NAA35: variants seen among roughly 807,000 people sequenced by gnomAD.
NAA35 encodes the protein MAK10 homolog, amino-acid N-acetyltransferase subunit.
A neutral mutation model predicts 101.7 loss-of-function variants in NAA35; 18 were observed. The observed-to-expected ratio is 0.18, with a 90% CI of 0.12 to 0.26. NAA35 has a LOEUF of 0.26. NAA35 is among the 10% of genes least tolerant of loss of function. The pLI is 1.00. For synonymous variants in NAA35, 267 were observed against 273.1 expected, an observed-to-expected ratio of 0.98 and a Z score of 0.22; for missense variants, 601 against 886.8, an observed-to-expected ratio of 0.68 and a Z score of 4.09.
intron 13 of NAA35, among the ~76,000 whole-genome samples, chr9:86,006,724 A>G (rs1184595818): frequency 6.6e-6 from 1 of 152,120 alleles, no homozygotes; most frequent in Non-Finnish European, 1.5e-5. Flanking sequence ...CTGTATCTTG[A>G]TTGTGAGACT....
intron 1 of NAA35, chr9:85,941,856 T>G (rs550136097): frequency 9.2e-7 from 1 of 1,086,926 alleles, no homozygotes; most frequent in South Asian, 3.7e-5. Context: ...GCTCTGGAGT[T>G]GTTCTTTTCG....
At position 85,965,306 on chromosome 9, in the gene NAA35, A is replaced by G. The variant is rs1009595003; in HGVS notation, c.516+3126A>G. 4.6e-5 allele frequency among the ~76,000 whole-genome samples: 7 copies of G among 152,214 alleles called. No homozygotes were observed. The East Asian group carries it at 1.3e-3, about 29-fold the overall frequency. On this transcript the variant is annotated intron_variant, in intron 6 of 22. Transcript: ENST00000361671. ...AGTATCCATCAGTAGGAGACTAATT[A>G]AAAGATGTTACATTCATACAATCAA...
intron 11 of NAA35, among the ~76,000 whole-genome samples, chr9:85,982,599 A>G (rs1830479655): frequency 1.3e-5 from 2 of 152,188 alleles, no homozygotes; most frequent in Admixed American, 1.3e-4. Flanking sequence ...TGGAAATAAT[A>G]TATTTAAATT....
At chr9:86,020,040 A>G (rs1832446009) in intron 21 of NAA35, among the ~76,000 whole-genome samples, 1 of 152,210 alleles carries the variant, frequency 6.6e-6, no homozygotes, top group Admixed American at 6.5e-5. Context: ...AGAAATCTAA[A>G]AAGAAAGGTG....
chr9:85,974,915 C>T, intron 6 of NAA35, 52 bp from the exon 7 acceptor site: 1 of 1,294,464 alleles, frequency 7.7e-7, no homozygotes, highest in Non-Finnish European at 1.1e-6. Context: ...TATTTTGCCG[C>T]TATTTAAGGT....
chr9:85,959,097 C>T (rs568725723), intron 4 of NAA35, among the ~76,000 whole-genome samples: 1 of 152,028 alleles, frequency 6.6e-6, no homozygotes, highest in Non-Finnish European at 1.5e-5. Context: ...TAGTTTTCGG[C>T]TGGGTGCGGT....
intron 7 of NAA35, 30 bp from the exon 8 acceptor site, chr9:85,975,084 C>G: frequency 5.0e-6 from 8 of 1,611,702 alleles, no homozygotes; most frequent in Non-Finnish European, 6.8e-6. Context: ...TCATATGTTT[C>G]CTTTTAAAAC....
intron 11 of NAA35, 143 bp from the exon 12 acceptor site, chr9:85,996,256 A>G (rs1831151992): frequency 5.4e-6 from 3 of 551,902 alleles, no homozygotes; most frequent in Non-Finnish European, 9.5e-6. Flanking sequence ...TATATTCTAA[A>G]TTATAAAATC....
intron 2 of NAA35, among the ~76,000 whole-genome samples, chr9:85,956,067 A>G (rs1829261137): frequency 6.6e-6 from 1 of 152,220 alleles, no homozygotes; most frequent in African/African-American, 2.4e-5. Flanking sequence ...AGTGATTTTT[A>G]AAAATGGGGT....
chr9:86,004,467 G>C (rs1203879643), intron 13 of NAA35, among the ~76,000 whole-genome samples: 1 of 150,850 alleles, frequency 6.6e-6, no homozygotes, highest in Non-Finnish European at 1.5e-5. Context: ...GCAACAGAGT[G>C]AGACCCTGTC....
chr9:86,015,417 C>A (rs979397191), intron 17 of NAA35, among the ~76,000 whole-genome samples: 2 of 152,020 alleles, frequency 1.3e-5, no homozygotes, highest in Non-Finnish European at 2.9e-5. Context: ...TTCATGCATA[C>A]GGTCCCTGAA....
At chr9:85,958,994 A>T (rs1329565090) in intron 4 of NAA35, among the ~76,000 whole-genome samples, 2 of 152,226 alleles carry the variant, frequency 1.3e-5, no homozygotes, top group Non-Finnish European at 2.9e-5. Flanking sequence ...TACATATTTT[A>T]TAAAGAAAGA....
At chr9:85,984,025 A>C (rs1446978009) in intron 11 of NAA35, among the ~76,000 whole-genome samples, 1 of 95,282 alleles carries the variant, frequency 1.0e-5, no homozygotes, top group African/African-American at 6.4e-5. Flanking sequence ...AAATAGAAGC[A>C]AAAAAAAAAA....
In NAA35 at chr9:86,009,964, T is replaced by C. The variant is rs202081934; in HGVS notation, c.1290+33T>C. The stretch of plus-strand genomic sequence containing the variant: ...CTACAATTTGGATTGTCATAATGGG[T>C]ACTTTAAAAATCATGGGCTGTGGCC... On this transcript the variant is annotated intron_variant, in intron 15 of 22. Coordinates refer to ENST00000361671, the MANE Select transcript of NAA35 (RefSeq NM_024635.4). The C allele has an allele frequency of 1.6e-5, 25 of 1,565,366 alleles. No homozygotes were observed. In the East Asian group the frequency reaches 4.9e-4, roughly 31 times the overall value.
chr9:85,958,752 A>G (rs962158803), intron 4 of NAA35, among the ~76,000 whole-genome samples, 166 bp downstream of exon 4: 14 of 152,234 alleles, frequency 9.2e-5, no homozygotes, highest in African/African-American at 3.4e-4. Context: ...TAAAGTCTGA[A>G]AATTGAGGTC....
At chr9:85,981,760 T>C (rs1830449971) in intron 11 of NAA35, among the ~76,000 whole-genome samples, 1 of 152,230 alleles carries the variant, frequency 6.6e-6, no homozygotes, top group Non-Finnish European at 1.5e-5. Context: ...TTTAACGTTC[T>C]AATTATCCCT....
At chr9:85,966,908 A>T (rs1277501706) in intron 6 of NAA35, among the ~76,000 whole-genome samples, 1 of 152,214 alleles carries the variant, frequency 6.6e-6, no homozygotes. Flanking sequence ...GGAGTTCGAG[A>T]CCAGCCTGGC....
chr9:86,010,073 A>G, intron 15 of NAA35, 142 bp downstream of exon 15: 1 of 654,596 alleles, frequency 1.5e-6, no homozygotes, highest in Non-Finnish European at 2.8e-6. Context: ...CAACATAGTG[A>G]AACCCCATCT....
intron 1 of NAA35, 195 bp downstream of exon 1, chr9:85,941,468 C>T (rs2118219666): frequency 3.0e-6 from 3 of 985,512 alleles, no homozygotes; most frequent in Non-Finnish European, 3.6e-6. Context: ...CCCGGTGTTG[C>T]CGAGGCGACG....
Sources: allele counts gnomAD v4.1 joint callset (sites outside exome capture counted in the v4.1 genomes callset), GRCh38; gene constraint gnomAD v4.1.1; transcripts MANE v1.5; gene names NCBI Gene and HGNC (gene_info 2026-07-23, HGNC 2026-07-21).